The following CD2AP variants were observed in gnomAD, a reference collection of about 807,000 sequenced individuals.
CD2AP encodes CD2 associated protein, also known as CD2-associated protein.
Under a neutral mutation model 85.1 loss-of-function variants are expected in CD2AP, and 46 were observed. The ratio of observed to expected loss-of-function variants is 0.54; its 90% CI spans 0.43 to 0.69. CD2AP has a LOEUF of 0.69. Among genes scored for constraint, CD2AP ranks in the 30% least tolerant of loss-of-function variants. The probability of loss-of-function intolerance (pLI) is 0.00; values close to 1 mark genes in which losing one functional copy is unlikely to be tolerated. For missense variants in CD2AP, 769 were observed against 729.5 expected (o/e 1.05, Z -0.62); for synonymous variants, 255 against 252.9 (o/e 1.01, Z -0.08).
At chr6:47,587,368 C>T (rs894866118) in intron 11 of CD2AP, among the ~76,000 whole-genome samples, 4 of 152,166 alleles carry the variant, frequency 2.6e-5, no homozygotes, top group Admixed American at 6.6e-5. Flanking sequence ...ATTTTGGACT[C>T]TTAAGTGATT....
chr6:47,577,039 A>T lies in CD2AP; in HGVS notation c.839A>T (p.Tyr280Phe). The stretch of plus-strand genomic sequence containing the variant: ...GAATATTGTAGAACATTATTTGCCT[A>T]TGAAGGTACTAATGAAGATGAACTT... ...AKEYCRTLFA[Y>F]EGTNEDELTF... Residue 280 changes from tyrosine to phenylalanine, a missense_variant, in exon 8 of 18, where the codon TAT (tyrosine) becomes TTT (phenylalanine). By Grantham distance (22) the Tyr-to-Phe change is conservative. Coordinates refer to ENST00000359314, the MANE Select transcript of CD2AP (RefSeq NM_012120.3). 3.9e-6 allele frequency: 6 copies of T among 1,522,332 alleles called. No individual in the cohort carries two copies. Among genetic ancestry groups the T allele is most frequent in the Non-Finnish European group, 5.5e-6 (6 of 1,096,626 alleles). 94.3% of individuals were successfully genotyped at this position (1,522,332 alleles called of 1,614,324 possible).
chr6:47,528,904 A>T (rs1198291463), intron 2 of CD2AP, among the ~76,000 whole-genome samples: 1 of 152,094 alleles, frequency 6.6e-6, no homozygotes, highest in African/African-American at 2.4e-5. Flanking sequence ...CTCAAATGAC[A>T]GTCTTAGGCA....
chr6:47,529,596 G>A (rs1766818740), intron 2 of CD2AP, among the ~76,000 whole-genome samples: 1 of 152,152 alleles, frequency 6.6e-6, no homozygotes, highest in South Asian at 2.1e-4. Flanking sequence ...CTAAATGTAT[G>A]TATAGCTCAC....
intron 3 of CD2AP, among the ~76,000 whole-genome samples, chr6:47,540,187 A>G (rs549649640): frequency 5.3e-5 from 8 of 151,534 alleles, no homozygotes; most frequent in South Asian, 4.2e-4. Context: ...AAAAAAAAAA[A>G]AAAAAAGAAA....
intron 1 of CD2AP, among the ~76,000 whole-genome samples, chr6:47,486,766 T>C (rs1484025148): frequency 6.6e-6 from 1 of 152,222 alleles, no homozygotes; most frequent in Non-Finnish European, 1.5e-5. Context: ...AGACTGACTT[T>C]AAAAATGTCA....
At chr6:47,522,743 TA>T (rs1344988671) in intron 2 of CD2AP, among the ~76,000 whole-genome samples, 1 of 152,072 alleles carries the variant, frequency 6.6e-6, no homozygotes, top group Non-Finnish European at 1.5e-5. Flanking sequence ...TACAGGTTTT[TA>T]AAAAATTAGT....
intron 9 of CD2AP, among the ~76,000 whole-genome samples, chr6:47,580,471 A>C (rs1466619588): frequency 2.6e-5 from 4 of 152,154 alleles, no homozygotes; most frequent in South Asian, 2.1e-4. Flanking sequence ...ACAAACAAAA[A>C]AAAAAACGGT....
chr6:47,561,992 A>G (rs1211019912), intron 5 of CD2AP, among the ~76,000 whole-genome samples: 2 of 152,132 alleles, frequency 1.3e-5, no homozygotes, highest in African/African-American at 4.8e-5. Flanking sequence ...GATGGTCTCA[A>G]TGACCTCGTG....
At chr6:47,515,126 T>C (rs941193656) in intron 2 of CD2AP, among the ~76,000 whole-genome samples, 13 of 151,852 alleles carry the variant, frequency 8.6e-5, no homozygotes, top group South Asian at 2.1e-4. Flanking sequence ...GCATTGTAGG[T>C]CTGGCAAAGG....
intron 2 of CD2AP, among the ~76,000 whole-genome samples, chr6:47,505,240 A>C (rs936995020): frequency 2.0e-5 from 3 of 146,634 alleles, no homozygotes; most frequent in East Asian, 2.0e-4. Flanking sequence ...CTTAACGAGC[A>C]TGCTGCCTTC....
chr6:47,501,665 GGTGT>G (rs140480387), intron 1 of CD2AP, among the ~76,000 whole-genome samples: 2 of 150,374 alleles, frequency 1.3e-5, no homozygotes, highest in South Asian at 2.1e-4. Context: ...TGTGGTTGTT[GGTGT>G]GTGTGTGTGT....
chr6:47,489,190 GA>G (rs1765659210), intron 1 of CD2AP: 1 of 124,414 alleles, frequency 8.0e-6, no homozygotes, highest in Non-Finnish European at 1.6e-5. Context: ...TTTTTTTTGA[GA>G]AGTCTCGCTC....
At chr6:47,566,114 C>T (rs1037747643) in intron 5 of CD2AP, among the ~76,000 whole-genome samples, 2 of 151,946 alleles carry the variant, frequency 1.3e-5, no homozygotes, top group Non-Finnish European at 2.9e-5. Flanking sequence ...CTGATGGCTA[C>T]TTGTCTGATT....
chr6:47,582,524 T>G (rs184864661), intron 11 of CD2AP, among the ~76,000 whole-genome samples: 23 of 152,286 alleles, frequency 1.5e-4, no homozygotes, highest in Admixed American at 1.4e-3. Flanking sequence ...CCTTATTGGT[T>G]TGTTGTGAAT....
chr6:47,517,556 C>G (rs1766485061), intron 2 of CD2AP, among the ~76,000 whole-genome samples: 1 of 152,160 alleles, frequency 6.6e-6, no homozygotes, highest in African/African-American at 2.4e-5. Context: ...TCCCAAAGTG[C>G]TGAGATTGCA....
At chr6:47,621,216 C>T (rs1454753807) in intron 17 of CD2AP, among the ~76,000 whole-genome samples, 1 of 152,060 alleles carries the variant, frequency 6.6e-6, no homozygotes, top group East Asian at 1.9e-4. Flanking sequence ...GAGGTATATC[C>T]CTTGTATGCC....
At chr6:47,565,354 C>T (rs1286436594) in intron 5 of CD2AP, among the ~76,000 whole-genome samples, 1 of 151,998 alleles carries the variant, frequency 6.6e-6, no homozygotes, top group Non-Finnish European at 1.5e-5. Flanking sequence ...TATACTTAAC[C>T]CTTCTTATTT....
At chr6:47,597,139 A>G (rs538161316) in intron 12 of CD2AP, among the ~76,000 whole-genome samples, 1 of 150,942 alleles carries the variant, frequency 6.6e-6, no homozygotes, top group South Asian at 2.1e-4. Flanking sequence ...TGCATGCTTA[A>G]AACACTTGGG....
At chr6:47,498,219 T>C (rs2113975252) in intron 1 of CD2AP, among the ~76,000 whole-genome samples, 1 of 152,348 alleles carries the variant, frequency 6.6e-6, no homozygotes, top group East Asian at 1.9e-4. Flanking sequence ...TGCCTGCTGA[T>C]TTGGCAGAGT....
Sources: gnomAD v4.1 joint callset for allele counts (sites outside exome capture counted in the v4.1 genomes callset) on GRCh38, gnomAD v4.1.1 for gene constraint, MANE v1.5 for transcripts, NCBI Gene and HGNC (gene_info 2026-07-23, HGNC 2026-07-21) for gene names.